SGK1: variants seen among roughly 807,000 people sequenced by gnomAD.
SGK1 encodes the protein serum/glucocorticoid regulated kinase 1.
In SGK1, 26 loss-of-function variants were observed where a neutral mutation model predicts 64.2. The ratio of observed to expected loss-of-function variants is 0.40; its 90% CI spans 0.30 to 0.56. SGK1 has a LOEUF of 0.56. Ranked by LOEUF, SGK1 falls within the 20% of genes least tolerant of loss-of-function variation. SGK1 has a pLI of 0.38. For synonymous variants in SGK1, 265 were observed against 239.7 expected (o/e 1.11, Z -0.98); for missense variants, 519 against 645.6 (o/e 0.80, Z 2.12).
chr6:134,205,210 T>G (rs1562249834), intron 3 of SGK1, among the ~76,000 whole-genome samples: 1 of 152,216 alleles, frequency 6.6e-6, no homozygotes, highest in African/African-American at 2.4e-5. Flanking sequence ...ACATTGCTTC[T>G]TCATAACACA....
intron 3 of SGK1, among the ~76,000 whole-genome samples, chr6:134,182,543 T>C (rs1350700756): frequency 6.6e-6 from 1 of 151,052 alleles, no homozygotes; most frequent in Non-Finnish European, 1.5e-5. Flanking sequence ...CTCTCTCATG[T>C]TGGAGTTTTA....
chr6:134,263,959 T>G (rs1776808259), intron 1 of SGK1, among the ~76,000 whole-genome samples: 1 of 151,978 alleles, frequency 6.6e-6, no homozygotes, highest in South Asian at 2.1e-4. Context: ...TCAGAAAAGT[T>G]TTATAAGAAA....
At chr6:134,269,289 T>A (rs1174788439) in intron 1 of SGK1, among the ~76,000 whole-genome samples, 2 of 145,776 alleles carry the variant, frequency 1.4e-5, no homozygotes, top group African/African-American at 5.0e-5. Context: ...TTTTTTTTTT[T>A]AATTATAGAG....
chr6:134,298,632 C>G (rs1777398871), intron 1 of SGK1: 2 of 1,308,246 alleles, frequency 1.5e-6, no homozygotes, highest in Middle Eastern at 1.8e-4. Flanking sequence ...GTAGGAGCGG[C>G]TGCTGAAGGC....
chr6:134,174,084 C>T lies in SGK1; in HGVS notation c.438-4G>A, dbSNP rs1240114188. The T allele has an allele frequency of 6.2e-7, 1 of 1,611,650 alleles. No homozygotes were observed. Among genetic ancestry groups the T allele is most frequent in the Non-Finnish European group, 8.5e-7 (1 of 1,178,878 alleles). On this transcript the variant is annotated splice_region_variant and splice_polypyrimidine_tract_variant and intron_variant, in intron 4 of 13. Coordinates refer to ENST00000367858, the MANE Select transcript of SGK1 (RefSeq NM_001143676.3). ...CAAGATGGACTGAACTTCAGGGCTG[C>T]AGGGAATAAAGGGCACGATTTAGAA...
intron 1 of SGK1, among the ~76,000 whole-genome samples, chr6:134,316,697 T>A (rs1436419846): frequency 9.4e-6 from 1 of 106,830 alleles, no homozygotes; most frequent in Non-Finnish European, 1.7e-5. Flanking sequence ...TACAGCAACA[T>A]AACCCTGAAT....
At chr6:134,229,458 T>C (rs1020847353) in intron 2 of SGK1, among the ~76,000 whole-genome samples, 3 of 152,256 alleles carry the variant, frequency 2.0e-5, no homozygotes, top group Admixed American at 1.3e-4. Flanking sequence ...CTTGTTCCAT[T>C]TACTCCATAA....
intron 3 of SGK1, among the ~76,000 whole-genome samples, chr6:134,194,935 T>G (rs1474598416): frequency 6.6e-6 from 1 of 152,216 alleles, no homozygotes; most frequent in Non-Finnish European, 1.5e-5. Context: ...TTAATAAAAT[T>G]TAGGACATTT....
intron 1 of SGK1, among the ~76,000 whole-genome samples, chr6:134,268,558 T>TA (rs371777234): frequency 7.2e-6 from 1 of 139,466 alleles, no homozygotes; most frequent in Non-Finnish European, 1.6e-5. Context: ...CCGTCTCTAC[T>TA]AAAAATACAA....
rs1289793776 is a variant in SGK1, at chr6:134,172,664, A to G, written c.945T>C (p.Tyr315=). ...LGYLHSLNIV[Y]RDLKPENILL... ...GCCTGAAGAGCTCTCAGGCTTACCTATAAACGATGTTCAGTGAATGCAGGT... is the reference window on the plus strand; with the variant it reads ...GCCTGAAGAGCTCTCAGGCTTACCTGTAAACGATGTTCAGTGAATGCAGGT... Residue 315 remains tyrosine (Y), a splice_region_variant and synonymous_variant, in exon 9 of 14, where the codon TAT becomes TAC. Transcript: ENST00000367858. 10 of 1,598,814 alleles carry G rather than the reference A, an allele frequency of 6.3e-6. No individual in the cohort carries two copies. The highest frequency in any genetic ancestry group is 1.7e-5 in the Admixed American group (1 of 60,010).
chr6:134,299,976 C>A (rs75814560), intron 1 of SGK1, among the ~76,000 whole-genome samples: 3,606 of 152,042 alleles, frequency 0.024, 65 homozygotes, highest in East Asian at 0.082. Context: ...AGAAAAAAAA[C>A]ACACAGCAGA....
At chr6:134,312,110 G>A (rs1358420631) in intron 1 of SGK1, among the ~76,000 whole-genome samples, 1 of 152,126 alleles carries the variant, frequency 6.6e-6, no homozygotes, top group East Asian at 1.9e-4. Flanking sequence ...GCTGGTAAAC[G>A]AACTACCTGA....
At chr6:134,179,616 A>G (rs1386767936) in intron 3 of SGK1, among the ~76,000 whole-genome samples, 1 of 151,518 alleles carries the variant, frequency 6.6e-6, no homozygotes, top group Non-Finnish European at 1.5e-5. Context: ...CACAGGTTGT[A>G]TAGTAATTAT....
At position 134,170,441 on chromosome 6, in the gene SGK1, A is replaced by C; in HGVS notation, c.1414-6T>G. On this transcript the variant is annotated splice_region_variant and splice_polypyrimidine_tract_variant and intron_variant, in intron 13 of 13. Transcript: ENST00000367858. ...CGTAGGTCGTTGGGCCCACTCTGTG[A>C]CGGGAAGGGAAAAACACTCTTGTCA... The C allele has an allele frequency of 6.2e-7, 1 of 1,607,226 alleles. No homozygotes were observed. The highest frequency in any genetic ancestry group is 8.5e-7 in the Non-Finnish European group (1 of 1,174,896).
At chr6:134,283,984 A>C (rs1306174160) in intron 1 of SGK1, among the ~76,000 whole-genome samples, 1 of 147,468 alleles carries the variant, frequency 6.8e-6, no homozygotes, top group African/African-American at 2.5e-5. Context: ...TCCCTTCCTT[A>C]TAGCTCTTTA....
chr6:134,174,335 A>C (rs1775138393), intron 4 of SGK1, 176 bp downstream of exon 4: 2 of 620,162 alleles, frequency 3.2e-6, no homozygotes, highest in Non-Finnish European at 5.6e-6. Context: ...GTTCAAGCCA[A>C]ATCAGCAAAT....
chr6:134,317,785 A>G lies in SGK1; in HGVS notation c.-325T>C. ...GATGCTGTGGCTCTTACCGAGCGGG[A>G]GAAGGGTACGCCTCCCCGCCCCCAG... is the stretch of plus-strand genomic sequence containing the variant. On this transcript the variant is annotated 5_prime_UTR_variant, in exon 1 of 14. Transcript: ENST00000367858. The G allele has an allele frequency of 3.8e-6, 1 of 265,132 alleles. No individual in the cohort carries two copies. The highest frequency in any genetic ancestry group is 7.1e-6 in the Non-Finnish European group (1 of 140,820). 16.4% of individuals were successfully genotyped at this position (265,132 alleles called of 1,614,324 possible). A position where few individuals can be genotyped will look rare whatever the true frequency, so the allele number is the denominator to read the frequency against.
At chr6:134,223,084 A>G (rs1279392433) in intron 2 of SGK1, among the ~76,000 whole-genome samples, 1 of 151,992 alleles carries the variant, frequency 6.6e-6, no homozygotes, top group Non-Finnish European at 1.5e-5. Context: ...AGGATGATAT[A>G]AGAGCCGGGC....
Position 134,179,494 on chromosome 6 carries a change from C to CTTTTTT in SGK1, c.362-4914_362-4909dup, listed in dbSNP as rs5880206. ...TTGAAGGTTGTCAGCAAAGGCATGTCTTTTTTTTTTTTTTTTTTTACAGAA... is the reference window on the plus strand; with the variant it reads ...TTGAAGGTTGTCAGCAAAGGCATGTCTTTTTTTTTTTTTTTTTTTTTTTTTACAGAA... On this transcript the variant is annotated intron_variant, in intron 3 of 13. Coordinates refer to ENST00000367858, the MANE Select transcript of SGK1 (RefSeq NM_001143676.3). Among the ~76,000 whole-genome samples the CTTTTTT allele has an allele frequency of 2.3e-5, 3 of 128,308 alleles. 1 individual carries two copies. The highest frequency in any genetic ancestry group is 5.0e-5 in the Non-Finnish European group (3 of 60,316). The allele number at this position is 128,308 out of a possible 152,430, so 84.2% of individuals were successfully genotyped here.
Sources: gnomAD v4.1 joint callset for allele counts (sites outside exome capture counted in the v4.1 genomes callset) on GRCh38, gnomAD v4.1.1 for gene constraint, MANE v1.5 for transcripts, NCBI Gene and HGNC (gene_info 2026-07-23, HGNC 2026-07-21) for gene names.